SNX10: variants seen among roughly 807,000 people sequenced by gnomAD.
The protein encoded by SNX10 is sorting nexin 10.
SNX10 carries 25 observed loss-of-function variants against 28.5 expected under a neutral mutation model. The observed-to-expected ratio is 0.88, with a 90% CI of 0.64 to 1.22. The LOEUF (loss-of-function observed/expected upper bound fraction) is 1.22. Ranked by LOEUF, SNX10 falls within the 50% of genes most tolerant of loss-of-function variation. SNX10 has a pLI of 0.00. For missense variants in SNX10, 223 were observed against 242.6 expected (o/e 0.92, Z 0.54); for synonymous variants, 62 against 81.4 (o/e 0.76, Z 1.28).
At chr7:26,302,374 A>G (rs1786404057) in intron 1 of SNX10, among the ~76,000 whole-genome samples, 1 of 152,052 alleles carries the variant, frequency 6.6e-6, no homozygotes, top group Admixed American at 6.5e-5. Flanking sequence ...CAGGCAGGAG[A>G]TGGACTCTAC....
chr7:26,304,551 CA>C lies in SNX10; in HGVS notation c.-24+12466del, dbSNP rs1454058009. Among the ~76,000 whole-genome samples the C allele has an allele frequency of 2.6e-5, 4 of 152,202 alleles. No individual in the cohort carries two copies. The East Asian group carries it at 5.8e-4, about 22-fold the overall frequency. ...GGGGTGTGGGCAGATGGGAGAGGGT[CA>C]GGGGGGATTACACCGCACAAGCTTG... On this transcript the variant is annotated intron_variant, in intron 1 of 6. Coordinates refer to ENST00000338523, the MANE Select transcript of SNX10 (RefSeq NM_013322.3).
chr7:26,352,053 A>C (rs1349673687), intron 2 of SNX10, among the ~76,000 whole-genome samples: 1 of 152,170 alleles, frequency 6.6e-6, no homozygotes, highest in Non-Finnish European at 1.5e-5. Context: ...AAATGTTAAT[A>C]ATAGGGGAAG....
chr7:26,331,734 G>C (rs1223698445), intron 1 of SNX10, among the ~76,000 whole-genome samples: 1 of 152,004 alleles, frequency 6.6e-6, no homozygotes, highest in Non-Finnish European at 1.5e-5. Flanking sequence ...CCTTTTGGCT[G>C]TCTCTCCCCT....
chr7:26,294,470 T>G (rs1200636222), intron 1 of SNX10, among the ~76,000 whole-genome samples: 1 of 152,188 alleles, frequency 6.6e-6, no homozygotes, highest in African/African-American at 2.4e-5. Flanking sequence ...ATTTATCGAG[T>G]GCTTACTATA....
intron 1 of SNX10, among the ~76,000 whole-genome samples, chr7:26,300,355 G>A (rs1342621597): frequency 2.6e-5 from 4 of 151,962 alleles, no homozygotes; most frequent in African/African-American, 9.7e-5. Flanking sequence ...GGCTCCCAAA[G>A]GGTTTAGGAT....
intron 2 of SNX10, among the ~76,000 whole-genome samples, chr7:26,354,905 A>C (rs1413211454): frequency 1.3e-5 from 2 of 151,780 alleles, no homozygotes; most frequent in African/African-American, 4.8e-5. Context: ...TCCTAGGCCG[A>C]AAGATTTTCT....
intron 1 of SNX10, among the ~76,000 whole-genome samples, chr7:26,296,251 G>A (rs1304965968): frequency 4.6e-5 from 7 of 151,920 alleles, no homozygotes; most frequent in African/African-American, 9.7e-5. Context: ...ATGCTCCAAC[G>A]ACAAAAGAAG....
chr7:26,367,565 T>C (rs1789345429), intron 5 of SNX10, among the ~76,000 whole-genome samples: 1 of 152,196 alleles, frequency 6.6e-6, no homozygotes, highest in African/African-American at 2.4e-5. Context: ...TGAACTGAGC[T>C]CTGCGGCCCC....
At chr7:26,339,772 C>T (rs977081304) in intron 1 of SNX10, among the ~76,000 whole-genome samples, 6 of 151,402 alleles carry the variant, frequency 4.0e-5, no homozygotes, top group African/African-American at 1.2e-4. Flanking sequence ...GAGTCTCGAA[C>T]TCCTGACCTT....
intron 1 of SNX10, among the ~76,000 whole-genome samples, chr7:26,300,887 C>T (rs567798804): frequency 2.6e-5 from 4 of 151,728 alleles, no homozygotes; most frequent in Admixed American, 6.6e-5. Context: ...GGTGTGGTGG[C>T]GAGCACCTGT....
intron 1 of SNX10, among the ~76,000 whole-genome samples, chr7:26,319,469 A>G (rs1787227242): frequency 6.6e-6 from 1 of 152,228 alleles, no homozygotes; most frequent in African/African-American, 2.4e-5. Context: ...AGGGGAGGAT[A>G]CATTATAAAT....
At position 26,374,168 on chromosome 7, in the gene SNX10, T is replaced by G. The variant is rs1415528361; in HGVS notation, c.*1596T>G. 1 of 152,060 alleles carries G rather than the reference T, an allele frequency of 6.6e-6. No individual in the cohort carries two copies. The highest frequency in any genetic ancestry group is 2.4e-5 in the African/African-American group (1 of 41,436). The allele number at this position is 152,060 out of a possible 1,614,324, so 9.4% of individuals were successfully genotyped here. A position where few individuals can be genotyped will look rare whatever the true frequency, so the allele number is the denominator to read the frequency against. Reference sequence around the variant, plus strand: ...AATATGTATTTGAGTTCACACTATTTCTGTTTTACAGCAGTTTTGAAAAAC... The same window carrying G: ...AATATGTATTTGAGTTCACACTATTGCTGTTTTACAGCAGTTTTGAAAAAC... On this transcript the variant is annotated 3_prime_UTR_variant, in exon 7 of 7. Coordinates refer to ENST00000338523, the MANE Select transcript of SNX10 (RefSeq NM_013322.3).
intron 1 of SNX10, among the ~76,000 whole-genome samples, chr7:26,330,111 T>C (rs962733983): frequency 6.6e-6 from 1 of 151,572 alleles, no homozygotes; most frequent in Non-Finnish European, 1.5e-5. Flanking sequence ...CACATGGGGG[T>C]TGGTAAGCAG....
chr7:26,364,332 ATTT>A lies in SNX10; in HGVS notation c.112-202_112-200del. 4 of 1,292,656 alleles carry A rather than the reference ATTT, an allele frequency of 3.1e-6. No individual in the cohort carries two copies. The highest frequency in any genetic ancestry group is 3.9e-6 in the Non-Finnish European group (4 of 1,019,826). 80.1% of individuals were successfully genotyped at this position (1,292,656 alleles called of 1,614,324 possible). A position where few individuals can be genotyped will look rare whatever the true frequency, so the allele number is the denominator to read the frequency against. On this transcript the variant is annotated intron_variant, in intron 3 of 6. Coordinates refer to ENST00000338523, the MANE Select transcript of SNX10 (RefSeq NM_013322.3). The surrounding 1 kb of genome is among the most constrained non-coding windows in gnomAD (Gnocchi z 4.9). Reference sequence around the variant, plus strand: ...ACCTCACCCTGGGGCAACACTGCTTATTTCCATCATCCTGGCTGTCTTCAGGGC... The same window carrying A: ...ACCTCACCCTGGGGCAACACTGCTTACCATCATCCTGGCTGTCTTCAGGGC...
intron 1 of SNX10, 57 bp from the exon 2 acceptor site, chr7:26,346,363 G>A (rs538336642): frequency 2.9e-6 from 3 of 1,039,060 alleles, no homozygotes; most frequent in Middle Eastern, 2.0e-4. Flanking sequence ...CATGAGTGGT[G>A]TATCCACTCC....
chr7:26,313,030 C>T (rs959833820), intron 1 of SNX10, among the ~76,000 whole-genome samples: 1 of 152,182 alleles, frequency 6.6e-6, no homozygotes, highest in African/African-American at 2.4e-5. Context: ...CCAGCAATTC[C>T]ACTTACAGAA....
chr7:26,356,089 G>A (rs187697903), intron 2 of SNX10, among the ~76,000 whole-genome samples: 113 of 152,248 alleles, frequency 7.4e-4, no homozygotes, highest in Non-Finnish European at 1.3e-3. Flanking sequence ...GGTAGAAGTG[G>A]ATAATGGTCA....
At chr7:26,297,112 T>TG (rs1786142057) in intron 1 of SNX10, among the ~76,000 whole-genome samples, 1 of 151,838 alleles carries the variant, frequency 6.6e-6, no homozygotes, top group South Asian at 2.1e-4. Context: ...TTTTTGTTGT[T>TG]TTGAGACGGA....
chr7:26,317,912 C>T (rs1036332648), intron 1 of SNX10, among the ~76,000 whole-genome samples: 13 of 152,188 alleles, frequency 8.5e-5, no homozygotes, highest in South Asian at 4.1e-4. Flanking sequence ...CTGCCTGCCT[C>T]GGCCTCTCAA....
Sources: allele counts gnomAD v4.1 joint callset (sites outside exome capture counted in the v4.1 genomes callset), GRCh38; gene constraint gnomAD v4.1.1; non-coding constraint Gnocchi (gnomAD v3.1); transcripts MANE v1.5; gene names NCBI Gene and HGNC (gene_info 2026-07-23, HGNC 2026-07-21).